Variants in CEACAM4 observed in about 807,000 individuals in gnomAD.
The protein encoded by CEACAM4 is CEA cell adhesion molecule 4.
In CEACAM4, 30 loss-of-function variants were observed where a neutral mutation model predicts 28.7. That is an observed-to-expected ratio of 1.05 (90% CI 0.78 to 1.42). The LOEUF (loss-of-function observed/expected upper bound fraction) is 1.42, where lower values mean the gene tolerates loss of function less well. Among genes scored for constraint, CEACAM4 ranks in the 40% most tolerant of loss-of-function variants. The probability of loss-of-function intolerance (pLI) is 0.00; values close to 1 mark genes in which losing one functional copy is unlikely to be tolerated. For missense variants in CEACAM4, 330 were observed against 308.2 expected (o/e 1.07, Z -0.53); for synonymous variants, 143 against 126.5 (o/e 1.13, Z -0.87).
At chr19:41,622,026 C>A (rs782221247) in intron 2 of CEACAM4, among the ~76,000 whole-genome samples, 2 of 152,088 alleles carry the variant, frequency 1.3e-5, no homozygotes, top group Non-Finnish European at 2.9e-5. Context: ...TGCTCCTGTA[C>A]CTTTAAATCC....
At chr19:41,620,357 A>T in intron 4 of CEACAM4, 115 bp from the exon 5 acceptor site, 1 of 1,049,294 alleles carries the variant, frequency 9.5e-7, no homozygotes, top group Non-Finnish European at 1.3e-6. Flanking sequence ...GCCTCTTCCC[A>T]GGGGAGACCT....
chr19:41,618,491 A>G (rs1555799532), downstream of CEACAM4, among the ~76,000 whole-genome samples: 2 of 152,176 alleles, frequency 1.3e-5, no homozygotes, highest in African/African-American at 4.8e-5. Flanking sequence ...ACAGAGGAGA[A>G]CCTAGTGGCC....
rs2071106356 is a variant in CEACAM4 at position 41,619,313 on chromosome 19, G to A, written c.*17C>T. ...GGGGACGCTCCATCAACCCACAAGAGCAGCTCCCAGAGGAACCTAAGAGAC... is the reference window on the plus strand; with the variant it reads ...GGGGACGCTCCATCAACCCACAAGAACAGCTCCCAGAGGAACCTAAGAGAC... On this transcript the variant is annotated 3_prime_UTR_variant, in exon 7 of 7. Coordinates refer to ENST00000221954, the MANE Select transcript of CEACAM4 (RefSeq NM_001817.4). The A allele has an allele frequency of 2.5e-6, 4 of 1,610,878 alleles. No individual in the cohort carries two copies. Among genetic ancestry groups the A allele is most frequent in the Non-Finnish European group, 3.4e-6 (4 of 1,177,074 alleles).
intron 6 of CEACAM4, 34 bp from the exon 7 acceptor site, chr19:41,619,429 A>G: frequency 6.2e-7 from 1 of 1,610,196 alleles, no homozygotes; most frequent in Non-Finnish European, 8.5e-7. Flanking sequence ...CAACCCCTGT[A>G]GCCTTCTCAG....
intron 2 of CEACAM4, among the ~76,000 whole-genome samples, chr19:41,622,747 G>A (rs2071368135): frequency 6.6e-6 from 1 of 152,124 alleles, no homozygotes; most frequent in African/African-American, 2.4e-5. Flanking sequence ...CTCGCCCTGT[G>A]TATAACTCTG....
At chr19:41,620,478 A>T (rs2071206182) in intron 4 of CEACAM4, 97 bp downstream of exon 4, 1 of 1,092,732 alleles carries the variant, frequency 9.2e-7, no homozygotes, top group African/African-American at 1.6e-5. Flanking sequence ...TTGCAGCCCC[A>T]AAGAAAGGGT....
chr19:41,616,399 C>T (rs1600329187), downstream of CEACAM4, among the ~76,000 whole-genome samples: 1 of 152,246 alleles, frequency 6.6e-6, no homozygotes, highest in East Asian at 1.9e-4. Flanking sequence ...TATGTCTTCA[C>T]ATCTCATCCT....
chr19:41,619,799 G>T, intron 5 of CEACAM4, 88 bp from the exon 6 acceptor site: 1 of 1,123,200 alleles, frequency 8.9e-7, no homozygotes, highest in Non-Finnish European at 1.2e-6. Flanking sequence ...TGATCGGCCA[G>T]GACTTACTTC....
rs61710351 is a variant in CEACAM4, at chr19:41,626,063, A to AGTGTGTGT, written c.65-111_65-104dup. On this transcript the variant is annotated intron_variant, in intron 1 of 6. Coordinates refer to ENST00000221954, the MANE Select transcript of CEACAM4 (RefSeq NM_001817.4). ...AGGTCTCCTCATCCCTCAGCCTTGG[A>AGTGTGTGT]GTGTGTGTGTGTGTGTGTGTGTGTG... is the stretch of plus-strand genomic sequence containing the variant. The AGTGTGTGT allele has an allele frequency of 7.0e-4, 458 of 653,252 alleles. 4 individuals carry two copies. The highest frequency in any genetic ancestry group is 1.9e-3 in the African/African-American group (78 of 41,434). 40.5% of individuals were successfully genotyped at this position (653,252 alleles called of 1,614,324 possible). A position where few individuals can be genotyped will look rare whatever the true frequency, so the allele number is the denominator to read the frequency against.
intron 1 of CEACAM4, 28 bp downstream of exon 1, chr19:41,626,872 C>A: frequency 1.2e-6 from 2 of 1,602,552 alleles, no homozygotes; most frequent in Admixed American, 1.7e-5. Flanking sequence ...TCCCTCTTCC[C>A]ACCACTCCCA....
rs572930067 is a variant in CEACAM4 at position 41,621,420 on chromosome 19, T to A, written c.542+231A>T. On this transcript the variant is annotated intron_variant, in intron 3 of 6. Coordinates refer to ENST00000221954, the MANE Select transcript of CEACAM4 (RefSeq NM_001817.4). Reference sequence around the variant, plus strand: ...TCCCTCCAGGCAGCTGTGGCTTTGCTGTGTTAGGGAACTAGGACAGCACTC... The same window carrying A: ...TCCCTCCAGGCAGCTGTGGCTTTGCAGTGTTAGGGAACTAGGACAGCACTC... 2.3e-3 allele frequency among the ~76,000 whole-genome samples: 333 copies of A among 144,556 alleles called. 5 individuals carry two copies. Among genetic ancestry groups the A allele is most frequent in the Non-Finnish European group, 3.7e-4 (24 of 65,022 alleles). 94.8% of individuals were successfully genotyped at this position (144,556 alleles called of 152,430 possible).
At chr19:41,621,456 C>A (rs561592502) in intron 3 of CEACAM4, among the ~76,000 whole-genome samples, 195 bp downstream of exon 3, 32 of 149,722 alleles carry the variant, frequency 2.1e-4, no homozygotes, top group African/African-American at 7.5e-4. Flanking sequence ...AGGGGTGCAA[C>A]CTTAACTGTG....
chr19:41,617,894 G>A (rs1304176318), downstream of CEACAM4, among the ~76,000 whole-genome samples: 2 of 149,796 alleles, frequency 1.3e-5, no homozygotes, highest in African/African-American at 4.9e-5. Context: ...ATCTGACGCT[G>A]TGTGCAGGTG....
chr19:41,613,533 A>C, the CEACAM4 span, among the ~76,000 whole-genome samples: 9 of 151,190 alleles, frequency 6.0e-5, no homozygotes, highest in Non-Finnish European at 1.3e-4. Flanking sequence ...ACCCACACCC[A>C]CACACACACA....
chr19:41,619,265 C>A lies in CEACAM4; in HGVS notation c.*65G>T, dbSNP rs1169843392. ...TCTGGCTCAGGCTCCATGTCCTTCCCCGTCCCCAGGGCTGGGAGCTTCGGG... is the reference window on the plus strand; with the variant it reads ...TCTGGCTCAGGCTCCATGTCCTTCCACGTCCCCAGGGCTGGGAGCTTCGGG... On this transcript the variant is annotated 3_prime_UTR_variant, in exon 7 of 7. Coordinates refer to ENST00000221954, the MANE Select transcript of CEACAM4 (RefSeq NM_001817.4). 7.4e-7 allele frequency: 1 copy of A among 1,358,334 alleles called. No individual in the cohort carries two copies. The highest frequency in any genetic ancestry group is 1.7e-5 in the Admixed American group (1 of 58,700). 84.1% of individuals were successfully genotyped at this position (1,358,334 alleles called of 1,614,324 possible). A position where few individuals can be genotyped will look rare whatever the true frequency, so the allele number is the denominator to read the frequency against.
chr19:41,623,183 A>AT (rs1353639941), intron 2 of CEACAM4, among the ~76,000 whole-genome samples: 2 of 151,898 alleles, frequency 1.3e-5, no homozygotes, highest in African/African-American at 2.4e-5. Context: ...TGCCTGCCTA[A>AT]TTTTTTGTAT....
downstream of CEACAM4, among the ~76,000 whole-genome samples, chr19:41,617,737 T>A (rs114405971): frequency 8.6e-3 from 1,296 of 151,466 alleles, 21 homozygotes; most frequent in African/African-American, 0.03. Flanking sequence ...CTCTAGGAGG[T>A]GGAAAAGGAG....
Position 41,620,579 on chromosome 19 carries a change from G to A in CEACAM4, c.591C>T (p.Thr197=), listed in dbSNP as rs781996837. The A allele has an allele frequency of 6.3e-5, 101 of 1,612,536 alleles. No homozygotes were observed. Among genetic ancestry groups the A allele is most frequent in the Non-Finnish European group, 8.6e-5 (101 of 1,179,114 alleles). The change falls in exon 4 of 7, where the codon ACC becomes ACT. Residue 197 remains threonine, a synonymous_variant. Coordinates refer to ENST00000221954, the MANE Select transcript of CEACAM4 (RefSeq NM_001817.4). ...CTGGGCTGAAGGGACACTCACCAGG[G>A]GTGGAGGCTGGGGGCGGCTGCTCCC... The part of the protein sequence containing the change: ...DLREQPPPAS[T]PGHGPSHRST...
In CEACAM4 at chr19:41,619,162, G is replaced by T. The variant is rs1018434363; in HGVS notation, c.*168C>A. ...CCCAGAGCCCAGGGCAACCTGTCAG[G>T]GTCTCCAGATATTCAGCAGGGACTC... On this transcript the variant is annotated 3_prime_UTR_variant, in exon 7 of 7. Transcript: ENST00000221954. 8.0e-6 allele frequency: 5 copies of T among 627,764 alleles called. No homozygotes were observed. The highest frequency in any genetic ancestry group is 3.7e-5 in the African/African-American group (2 of 53,914). 38.9% of individuals were successfully genotyped at this position (627,764 alleles called of 1,614,324 possible).
Sources: allele counts gnomAD v4.1 joint callset (sites outside exome capture counted in the v4.1 genomes callset), GRCh38; gene constraint gnomAD v4.1.1; transcripts MANE v1.5; gene names NCBI Gene and HGNC (gene_info 2026-07-23, HGNC 2026-07-21).